ESRRG: variants seen among roughly 807,000 people sequenced by gnomAD.
ESRRG encodes estrogen-related receptor gamma.
A neutral mutation model predicts 44.0 loss-of-function variants in ESRRG; 13 were observed. The ratio of observed to expected loss-of-function variants is 0.30; its 90% confidence interval spans 0.19 to 0.47. The LOEUF is 0.47. Ranked by LOEUF, ESRRG falls within the 20% of genes least tolerant of loss-of-function variation. The probability of loss-of-function intolerance (pLI) is 1.00; values close to 1 mark genes in which losing one functional copy is unlikely to be tolerated. For synonymous variants in ESRRG, 215 were observed against 214.6 expected, an observed-to-expected ratio of 1.00 and a Z score of -0.02; for missense variants, 395 against 580.6, an observed-to-expected ratio of 0.68 and a Z score of 3.29.
chr1:216,647,527 T>C (rs144089774), intron 3 of ESRRG, among the ~76,000 whole-genome samples: 101 of 152,268 alleles, frequency 6.6e-4, no homozygotes, highest in African/African-American at 2.2e-3. Context: ...AAATCAAATG[T>C]AGTGTATTCA....
intron 2 of ESRRG, among the ~76,000 whole-genome samples, chr1:216,903,779 C>G (rs1344738281): frequency 6.6e-6 from 1 of 152,068 alleles, no homozygotes; most frequent in East Asian, 1.9e-4. Flanking sequence ...CCATCTATAC[C>G]AACCACCCTC....
chr1:216,954,100 T>A (rs1475579135), intron 1 of ESRRG, among the ~76,000 whole-genome samples: 1 of 152,174 alleles, frequency 6.6e-6, no homozygotes, highest in Non-Finnish European at 1.5e-5. Context: ...TTAATTGTCA[T>A]CTTGGTTCTT....
chr1:216,906,272 T>A (rs1465321334), intron 2 of ESRRG, among the ~76,000 whole-genome samples: 1 of 152,184 alleles, frequency 6.6e-6, no homozygotes, highest in African/African-American at 2.4e-5. Flanking sequence ...ATAAATATAA[T>A]AAACTAAAAT....
intron 1 of ESRRG, among the ~76,000 whole-genome samples, chr1:216,952,943 G>T (rs2067226808): frequency 6.6e-6 from 1 of 151,842 alleles, no homozygotes; most frequent in Non-Finnish European, 1.5e-5. Flanking sequence ...TTTGAACATT[G>T]CCTCACAATC....
chr1:216,779,517 A>AATATAAATATAAATATATATTTATAT (rs1559608716), intron 2 of ESRRG, among the ~76,000 whole-genome samples: 1 of 23,396 alleles, frequency 4.3e-5, no homozygotes, highest in Non-Finnish European at 6.7e-5. Flanking sequence ...TATATTTATA[A>AATATAAATATAAATATATATTTATAT]ATATAAATAT....
intron 2 of ESRRG, among the ~76,000 whole-genome samples, chr1:216,819,344 A>T (rs1475247783): frequency 6.6e-6 from 1 of 151,386 alleles, no homozygotes; most frequent in Non-Finnish European, 1.5e-5. Flanking sequence ...CAAAACAAAA[A>T]CTACTTCAAA....
intron 1 of ESRRG, among the ~76,000 whole-genome samples, chr1:217,049,287 A>G (rs2151214181): frequency 6.6e-6 from 1 of 152,254 alleles, no homozygotes; most frequent in East Asian, 1.9e-4. Flanking sequence ...TTACTATGCT[A>G]CTGTGAATCT....
intron 1 of ESRRG, among the ~76,000 whole-genome samples, chr1:217,054,203 A>G (rs1013827773): frequency 3.9e-5 from 6 of 152,046 alleles, no homozygotes; most frequent in Non-Finnish European, 5.9e-5. Flanking sequence ...TTTTCATCAA[A>G]ATCTCTCAAC....
At chr1:216,723,215 T>C in intron 1 of ESRRG, 29 bp downstream of exon 1, 1 of 1,168,028 alleles carries the variant, frequency 8.6e-7, no homozygotes, top group South Asian at 1.4e-5. Context: ...CCACGACGAG[T>C]TTAAAAAGGA....
At chr1:216,982,787 A>G (rs145715493) in intron 1 of ESRRG, among the ~76,000 whole-genome samples, 1 of 152,356 alleles carries the variant, frequency 6.6e-6, no homozygotes, top group East Asian at 1.9e-4. Context: ...TTTCTAAATC[A>G]AGACCCAGAG....
At chr1:217,017,397 T>A (rs142783410) in intron 1 of ESRRG, among the ~76,000 whole-genome samples, 11 of 148,510 alleles carry the variant, frequency 7.4e-5, no homozygotes, top group Non-Finnish European at 1.5e-4. Flanking sequence ...CAGGATCATA[T>A]CTGAGTCACA....
rs567928062 is a variant in ESRRG, at chr1:216,551,684, T to C, written c.862+12535A>G. ...ATTTTAACCAAATGTTATGTACTGA[T>C]CTGCCAGAAACAGTGTTTGTTCAAA... On this transcript the variant is annotated intron_variant, in intron 5 of 6. Transcript: ENST00000408911. 1.2e-4 allele frequency among the ~76,000 whole-genome samples: 18 copies of C among 152,280 alleles called. No homozygotes were observed. In the South Asian group the frequency reaches 3.5e-3, roughly 30 times the overall value.
rs182900297 is a variant in ESRRG, at chr1:216,604,900, G to T, written c.590-36802C>A. Among the ~76,000 whole-genome samples, 12 of 152,250 alleles carry T rather than the reference G, an allele frequency of 7.9e-5. No homozygotes were observed. In the East Asian group the frequency reaches 1.2e-3, roughly 15 times the overall value. On this transcript the variant is annotated intron_variant, in intron 3 of 6. Transcript: ENST00000408911. Reference sequence around the variant, plus strand: ...AATACACTGTAACATTTTTGTGTAGGATGAATTATCTTTGAAATATATTGA... The same window carrying T: ...AATACACTGTAACATTTTTGTGTAGTATGAATTATCTTTGAAATATATTGA...
intron 3 of ESRRG, among the ~76,000 whole-genome samples, chr1:216,580,889 C>T (rs560353432): frequency 2.8e-4 from 42 of 152,290 alleles, no homozygotes; most frequent in Admixed American, 1.6e-3. Context: ...GTTCCCCTCA[C>T]GCTGACCTTG....
At chr1:216,685,703 C>A (rs549625460) in intron 1 of ESRRG, among the ~76,000 whole-genome samples, 2 of 152,330 alleles carry the variant, frequency 1.3e-5, no homozygotes, top group South Asian at 2.1e-4. Flanking sequence ...GCTTCCTGAA[C>A]TTCCCTTTCC....
chr1:216,521,219 T>G (rs2045985500), intron 5 of ESRRG, among the ~76,000 whole-genome samples: 1 of 152,162 alleles, frequency 6.6e-6, no homozygotes, highest in Admixed American at 6.5e-5. Flanking sequence ...AGAGATATAA[T>G]AGCTGATAAC....
chr1:216,660,115 C>T (rs1391641269), intron 2 of ESRRG, among the ~76,000 whole-genome samples: 1 of 152,098 alleles, frequency 6.6e-6, no homozygotes, highest in Non-Finnish European at 1.5e-5. Context: ...ATTCTAAATT[C>T]CAGTTGCTTC....
intron 2 of ESRRG, among the ~76,000 whole-genome samples, chr1:216,918,652 C>T (rs750907027): frequency 6.6e-6 from 1 of 151,906 alleles, no homozygotes; most frequent in Admixed American, 6.6e-5. Flanking sequence ...CTAATGGAAC[C>T]TTTCCATAAC....
At chr1:216,911,982 G>A (rs563684180) in intron 2 of ESRRG, among the ~76,000 whole-genome samples, 1 of 151,266 alleles carries the variant, frequency 6.6e-6, no homozygotes, top group African/African-American at 2.4e-5. Flanking sequence ...GGCTGAGGTG[G>A]GAGGATTGCT....
Sources: allele counts gnomAD v4.1 joint callset (sites outside exome capture counted in the v4.1 genomes callset), GRCh38; gene constraint gnomAD v4.1.1; transcripts MANE v1.5; gene names NCBI Gene and HGNC (gene_info 2026-07-23, HGNC 2026-07-21).